The following TUSC3 variants were observed in gnomAD, a reference collection of about 807,000 sequenced individuals.
TUSC3 encodes tumor suppressor candidate 3, also known as dolichyl-diphosphooligosaccharide--protein glycosyltransferase subunit TUSC3.
TUSC3 carries 45 observed loss-of-function variants against 44.8 expected under a neutral mutation model. The ratio of observed to expected loss-of-function variants is 1.00; its 90% CI spans 0.79 to 1.29. The LOEUF (loss-of-function observed/expected upper bound fraction) is 1.29. Ranked by LOEUF, TUSC3 falls within the 50% of genes most tolerant of loss-of-function variation. The pLI, the probability that TUSC3 is intolerant of heterozygous loss-of-function variation, is 0.00. For synonymous variants in TUSC3, 212 were observed against 152.9 expected (o/e 1.39, Z -2.85); for missense variants, 519 against 437.9 (o/e 1.19, Z -1.65).
At chr8:15,608,380 A>G (rs1026377521) in intron 1 of TUSC3, among the ~76,000 whole-genome samples, 2 of 151,988 alleles carry the variant, frequency 1.3e-5, no homozygotes, top group East Asian at 3.9e-4. Context: ...TGTTTGTCTT[A>G]TAGGGATAAA....
chr8:15,609,810 C>CA (rs930735174), intron 1 of TUSC3, among the ~76,000 whole-genome samples: 6 of 151,300 alleles, frequency 4.0e-5, no homozygotes, highest in East Asian at 1.9e-4. Flanking sequence ...CTCCCAAAAC[C>CA]AAAAAAAGGC....
At chr8:15,727,909 T>A (rs1378668660) in intron 6 of TUSC3, among the ~76,000 whole-genome samples, 1 of 152,158 alleles carries the variant, frequency 6.6e-6, no homozygotes, top group East Asian at 1.9e-4. Context: ...ATAATTGAGG[T>A]TAAGTAGTTT....
chr8:15,613,481 A>T (rs758228902), intron 1 of TUSC3, among the ~76,000 whole-genome samples: 3 of 152,174 alleles, frequency 2.0e-5, no homozygotes, highest in Non-Finnish European at 4.4e-5. Flanking sequence ...TTTTACAAAC[A>T]TCAAGTCTCA....
chr8:15,561,378 C>T lies in TUSC3; in HGVS notation c.138+20810C>T, dbSNP rs1296228227. 4.6e-4 allele frequency among the ~76,000 whole-genome samples: 66 copies of T among 142,712 alleles called. 6 individuals carry two copies. The highest frequency in any genetic ancestry group is 8.1e-4 in the Non-Finnish European group (52 of 64,458). 93.6% of individuals were successfully genotyped at this position (142,712 alleles called of 152,430 possible). ...CTGCCAGTTCTCAGATCTCCAGCTG[C>T]GTGCTGGGAGAACCACTGCTCTCTT... On this transcript the variant is annotated intron_variant, in intron 1 of 10. Coordinates refer to ENST00000503731, the MANE Select transcript of TUSC3 (RefSeq NM_006765.4).
intron 2 of TUSC3, among the ~76,000 whole-genome samples, chr8:15,508,052 G>C (rs1801082109): frequency 6.6e-6 from 1 of 152,090 alleles, no homozygotes; most frequent in Non-Finnish European, 1.5e-5. Flanking sequence ...GGCCAGCCTG[G>C]TCAACATGGG....
rs1386569820 is a variant in TUSC3, at chr8:15,730,550, T to TA, written c.799-110dup. 3.0e-6 allele frequency: 3 copies of TA among 1,005,628 alleles called. No homozygotes were observed. In the African/African-American group the frequency reaches 4.8e-5, roughly 16 times the overall value. 62.3% of individuals were successfully genotyped at this position (1,005,628 alleles called of 1,614,324 possible). ...ATAATTGGAACTTAGTAGAAAGTAA[T>TA]AAAAAATTAGTAAAAATCGAATTAG... On this transcript the variant is annotated intron_variant, in intron 6 of 10. Transcript: ENST00000503731.
intron 1 of TUSC3, among the ~76,000 whole-genome samples, chr8:15,550,839 T>G (rs1802038109): frequency 6.6e-6 from 1 of 151,536 alleles, no homozygotes; most frequent in African/African-American, 2.4e-5. Flanking sequence ...ACTTGGCTAA[T>G]TTTTGTATTT....
At chr8:15,581,655 TGAG>T (rs1487784754) in intron 1 of TUSC3, among the ~76,000 whole-genome samples, 110 of 149,590 alleles carry the variant, frequency 7.4e-4, no homozygotes, top group African/African-American at 2.6e-3. Context: ...GGGACCCACT[TGAG>T]GAGGCAGTCT....
downstream of TUSC3, among the ~76,000 whole-genome samples, chr8:15,771,234 C>T (rs923152378): frequency 1.3e-5 from 2 of 152,142 alleles, no homozygotes; most frequent in East Asian, 1.9e-4. Flanking sequence ...ATAAAACATG[C>T]TTCAGCATGT....
chr8:15,575,922 G>C (rs1322681109), intron 1 of TUSC3, among the ~76,000 whole-genome samples: 3 of 152,014 alleles, frequency 2.0e-5, no homozygotes, highest in Admixed American at 2.0e-4. Flanking sequence ...TGTTATAAAG[G>C]TATAATCAAA....
chr8:15,494,381 G>A (rs1019790484), intron 2 of TUSC3, among the ~76,000 whole-genome samples: 2 of 149,872 alleles, frequency 1.3e-5, no homozygotes, highest in Non-Finnish European at 1.5e-5. Flanking sequence ...GCAGTGGCGC[G>A]ATCTCGGCTC....
chr8:15,694,533 G>C (rs1020344663), intron 6 of TUSC3, among the ~76,000 whole-genome samples: 1 of 151,488 alleles, frequency 6.6e-6, no homozygotes, highest in Non-Finnish European at 1.5e-5. Flanking sequence ...CAGAGTTCTT[G>C]CACTGGATGT....
At chr8:15,796,839 C>T in the TUSC3 span, among the ~76,000 whole-genome samples, 1 of 152,188 alleles carries the variant, frequency 6.6e-6, no homozygotes, top group Non-Finnish European at 1.5e-5. Context: ...CCCTTCCCAA[C>T]TTGTCATTGA....
chr8:15,553,621 T>A (rs1286160028), intron 1 of TUSC3, among the ~76,000 whole-genome samples: 2 of 151,594 alleles, frequency 1.3e-5, no homozygotes. Context: ...TTCTTCGGAT[T>A]TAGCAAGAAC....
At chr8:15,750,189 CAGGA>C (rs760618577) in intron 9 of TUSC3, among the ~76,000 whole-genome samples, 17 of 151,816 alleles carry the variant, frequency 1.1e-4, no homozygotes, top group Non-Finnish European at 2.2e-4. Context: ...CTGTGTTAGC[CAGGA>C]TGGTCTCGAT....
chr8:15,761,190 C>G (rs974334536), intron 10 of TUSC3, among the ~76,000 whole-genome samples: 2 of 152,148 alleles, frequency 1.3e-5, no homozygotes, highest in East Asian at 1.9e-4. Flanking sequence ...AATAAACTTG[C>G]TAATAAACCT....
intron 1 of TUSC3, among the ~76,000 whole-genome samples, chr8:15,475,810 T>C (rs1221105027): frequency 6.6e-6 from 1 of 152,176 alleles, no homozygotes; most frequent in Non-Finnish European, 1.5e-5. Context: ...TAATAGGATG[T>C]AGGCACTCTG....
chr8:15,793,885 A>G, the TUSC3 span, among the ~76,000 whole-genome samples: 512 of 152,346 alleles, frequency 3.4e-3, 4 homozygotes, highest in African/African-American at 0.012. Flanking sequence ...CATAGGTCAT[A>G]AAGTATCTCC....
At chr8:15,622,363 GCTCAAGTGATCCTCCCACCTTGGT>G (rs1270378120) in intron 1 of TUSC3, among the ~76,000 whole-genome samples, 3 of 151,382 alleles carry the variant, frequency 2.0e-5, no homozygotes, top group Non-Finnish European at 4.4e-5. Flanking sequence ...AACTCCTTGG[GCTCAAGTGATCCTCCCACCTTGGT>G]CTCCCAAAGT....
Sources: gnomAD v4.1 joint callset for allele counts (sites outside exome capture counted in the v4.1 genomes callset) on GRCh38, gnomAD v4.1.1 for gene constraint, MANE v1.5 for transcripts, NCBI Gene and HGNC (gene_info 2026-07-23, HGNC 2026-07-21) for gene names.